The following KLRG1 variants were observed in gnomAD, a reference collection of about 807,000 sequenced individuals.
KLRG1 encodes killer cell lectin like receptor G1, also known as killer cell lectin-like receptor subfamily G member 1.
Under a neutral mutation model 21.8 loss-of-function variants are expected in KLRG1, and 16 were observed. The ratio of observed to expected loss-of-function variants is 0.73; its 90% CI spans 0.50 to 1.11. The LOEUF (loss-of-function observed/expected upper bound fraction) is 1.11. Among genes scored for constraint, KLRG1 ranks in the 50% most tolerant of loss-of-function variants. KLRG1 has a pLI of 0.00. For missense variants in KLRG1, 173 were observed against 218.3 expected, an observed-to-expected ratio of 0.79 and a Z score of 1.31; for synonymous variants, 69 against 75.9, an observed-to-expected ratio of 0.91 and a Z score of 0.47.
chr12:9,181,207 G>C, the KLRG1 span: 1 of 1,586,838 alleles, frequency 6.3e-7, no homozygotes, highest in African/African-American at 1.3e-5. Flanking sequence ...CATTTCCTAA[G>C]CCACCCTTAT....
At chr12:9,111,972 A>G in the KLRG1 span, 1 of 762,978 alleles carries the variant, frequency 1.3e-6, no homozygotes, top group African/African-American at 1.7e-5. Context: ...GCACCAAGAC[A>G]GAAAGAATTA....
At chr12:9,124,797 A>T in the KLRG1 span, among the ~76,000 whole-genome samples, 1 of 152,316 alleles carries the variant, frequency 6.6e-6, no homozygotes, top group South Asian at 2.1e-4. Flanking sequence ...GGAGGCAGGC[A>T]GACTCCTGGG....
At chr12:9,202,544 C>G in the KLRG1 span, 1 of 1,614,088 alleles carries the variant, frequency 6.2e-7, no homozygotes, top group Non-Finnish European at 8.5e-7. Context: ...CTGGTTTATA[C>G]ATGGGTTTGT....
At chr12:9,019,180 C>T in the KLRG1 span, among the ~76,000 whole-genome samples, 7 of 152,218 alleles carry the variant, frequency 4.6e-5, no homozygotes, top group African/African-American at 1.7e-4. Flanking sequence ...AGGTACTCAA[C>T]ATCACTGATC....
At chr12:9,020,430 C>T in the KLRG1 span, among the ~76,000 whole-genome samples, 1 of 152,114 alleles carries the variant, frequency 6.6e-6, no homozygotes, top group African/African-American at 2.4e-5. Context: ...ACTCATTACC[C>T]CCGGAATTCC....
the KLRG1 span, chr12:9,101,210 G>A: frequency 1.3e-6 from 2 of 1,556,220 alleles, no homozygotes; most frequent in Non-Finnish European, 1.7e-6. Context: ...GCCATTATCT[G>A]CAAAAAAGGA....
chr12:9,097,321 A>G, the KLRG1 span, among the ~76,000 whole-genome samples: 3 of 152,146 alleles, frequency 2.0e-5, no homozygotes, highest in Non-Finnish European at 4.4e-5. Context: ...AAAAATATAA[A>G]TTTCTCTTTG....
At chr12:9,028,208 A>G in the KLRG1 span, 5 of 581,090 alleles carry the variant, frequency 8.6e-6, no homozygotes, top group Admixed American at 6.0e-5. Context: ...CTGGAATGCA[A>G]TGGTGTGATC....
At chr12:8,966,153 G>A (rs1466139292) in intron 1 of KLRG1, among the ~76,000 whole-genome samples, 1 of 152,136 alleles carries the variant, frequency 6.6e-6, no homozygotes, top group African/African-American at 2.4e-5. Flanking sequence ...AGCTGAAACT[G>A]GATCACTTCC....
At chr12:9,189,083 T>G in the KLRG1 span, among the ~76,000 whole-genome samples, 1 of 152,222 alleles carries the variant, frequency 6.6e-6, no homozygotes, top group African/African-American at 2.4e-5. Context: ...CAAAGCAATT[T>G]ATAGATTTAA....
chr12:9,193,627 A>G, the KLRG1 span, among the ~76,000 whole-genome samples: 1 of 152,186 alleles, frequency 6.6e-6, no homozygotes, highest in Non-Finnish European at 1.5e-5. Flanking sequence ...TCCATAAATT[A>G]TAGTCTTTTA....
chr12:8,997,794 T>C (rs1413037869), intron 3 of KLRG1, among the ~76,000 whole-genome samples: 1 of 152,132 alleles, frequency 6.6e-6, no homozygotes, highest in East Asian at 1.9e-4. Context: ...TTCTTTTTTT[T>C]TTTCTTTTTG....
chr12:8,995,258 C>A lies in KLRG1; in HGVS notation c.327C>A (p.His109Gln), dbSNP rs759632793. 6.0e-5 allele frequency: 97 copies of A among 1,612,358 alleles called. No homozygotes were observed. The highest frequency in any genetic ancestry group is 7.5e-5 in the Non-Finnish European group (89 of 1,179,482). ...SLEFCLARDS[H>Q]LLVITDNQEM... ...AATTCTGCCTAGCCAGAGACTCACA[C>A]CTCCTTGTGATAACGGACAATCAGG... The change falls in exon 3 of 5, where the codon CAC (histidine) becomes CAA (glutamine). Residue 109 changes from histidine (H) to glutamine (Q), a missense_variant. This residue lies in a region of KLRG1 where 144 missense variants were observed against 161.5 expected (regional missense o/e 0.89). Coordinates refer to ENST00000356986, the MANE Select transcript of KLRG1 (RefSeq NM_005810.4).
At chr12:9,101,134 A>G in the KLRG1 span, 1 of 1,556,982 alleles carries the variant, frequency 6.4e-7, no homozygotes, top group Non-Finnish European at 8.7e-7. Flanking sequence ...GAGATGATGG[A>G]AATACTCACT....
At chr12:9,022,725 T>C in the KLRG1 span, among the ~76,000 whole-genome samples, 1 of 152,096 alleles carries the variant, frequency 6.6e-6, no homozygotes, top group East Asian at 1.9e-4. Flanking sequence ...TATGCCTCTG[T>C]AATATATGCC....
the KLRG1 span, chr12:9,068,908 G>A: frequency 8.6e-7 from 1 of 1,160,048 alleles, no homozygotes. Flanking sequence ...ATTAGTTTAA[G>A]TATTCACCTG....
At chr12:9,090,033 A>G in the KLRG1 span, 1 of 1,583,704 alleles carries the variant, frequency 6.3e-7, no homozygotes, top group Non-Finnish European at 8.6e-7. Flanking sequence ...CCTGAAAAAA[A>G]AGGCCAGTAG....
the KLRG1 span, chr12:9,149,503 G>C: frequency 6.8e-7 from 1 of 1,477,456 alleles, no homozygotes; most frequent in African/African-American, 1.4e-5. Context: ...AAATTGCAGG[G>C]GCCCTTGGAG....
chr12:8,995,169 A>T lies in KLRG1; in HGVS notation c.238A>T (p.Met80Leu), dbSNP rs771860929. Residue 80 changes from methionine (M) to leucine (L), a missense_variant, in exon 3 of 5, where the codon ATG (methionine) becomes TTG (leucine). Physicochemically the swap from Met to Leu is conservative, Grantham distance 15. This residue lies in a region of KLRG1 where 144 missense variants were observed against 161.5 expected (regional missense o/e 0.89). Coordinates refer to ENST00000356986, the MANE Select transcript of KLRG1 (RefSeq NM_005810.4). ...CTGTCCTAGCTGCCCAGACCGCTGG[A>T]TGAAATATGGTAACCATTGTTATTA... Reference protein sequence around the residue: ...ASCPSCPDRWMKYGNHCYYFS... With the variant: ...ASCPSCPDRWLKYGNHCYYFS... 4 of 1,613,554 alleles carry T rather than the reference A, an allele frequency of 2.5e-6. No homozygotes were observed. The highest frequency in any genetic ancestry group is 3.4e-6 in the Non-Finnish European group (4 of 1,179,774).
Sources: allele counts gnomAD v4.1 joint callset (sites outside exome capture counted in the v4.1 genomes callset), GRCh38; gene constraint gnomAD v4.1.1; regional missense constraint gnomAD v4.1.1; transcripts MANE v1.5; gene names NCBI Gene and HGNC (gene_info 2026-07-23, HGNC 2026-07-21).